The following PHF20L1 variants were observed in gnomAD, a reference collection of about 807,000 sequenced individuals.
PHF20L1 encodes PHD finger protein 20-like protein 1.
Under a neutral mutation model 125.5 loss-of-function variants are expected in PHF20L1, and 44 were observed. That is an observed-to-expected ratio of 0.35 (90% CI 0.28 to 0.45). The LOEUF is 0.45. PHF20L1 is among the 20% of genes least tolerant of loss of function. The pLI is 1.00. For synonymous variants in PHF20L1, 380 were observed against 403.1 expected, an observed-to-expected ratio of 0.94 and a Z score of 0.69; for missense variants, 1,012 against 1,217.2, an observed-to-expected ratio of 0.83 and a Z score of 2.51.
chr8:132,794,860 G>T, intron 4 of PHF20L1, 43 bp downstream of exon 4: 1 of 1,254,570 alleles, frequency 8.0e-7, no homozygotes, highest in Non-Finnish European at 1.2e-6. Flanking sequence ...TAGATTAATA[G>T]TAAAATTTCA....
At chr8:132,832,466 C>A in intron 15 of PHF20L1, 67 bp downstream of exon 15, 1 of 1,151,794 alleles carries the variant, frequency 8.7e-7, no homozygotes, top group Non-Finnish European at 1.3e-6. Context: ...GAGAATAAAA[C>A]GTACTCTGTT....
intron 20 of PHF20L1, 128 bp downstream of exon 20, chr8:132,844,446 A>T: frequency 1.5e-6 from 1 of 661,598 alleles, no homozygotes. Context: ...GGGCTTTATT[A>T]CTCCCTTTGT....
Position 132,804,044 on chromosome 8 carries a change from A to G in PHF20L1, c.721+12A>G, listed in dbSNP as rs1833399329. On this transcript the variant is annotated intron_variant, in intron 7 of 20. Coordinates refer to ENST00000395386, the MANE Select transcript of PHF20L1 (RefSeq NM_016018.5). ...TAGTGAAACATTTGGTACAAAATAC[A>G]TTCTTACGTTAATTCCTTATGACAC... is the stretch of plus-strand genomic sequence containing the variant. The G allele has an allele frequency of 2.6e-6, 4 of 1,538,606 alleles. No homozygotes were observed. Among genetic ancestry groups the G allele is most frequent in the Non-Finnish European group, 3.6e-6 (4 of 1,112,798 alleles).
In PHF20L1 at chr8:132,835,247, T is replaced by C. The variant is rs16904748; in HGVS notation, c.1910-1293T>C. Reference sequence around the variant, plus strand: ...CTTGCTGTCATGGATTCTGATATTCTAGTAAGAGAAGACAGATGATAAGCA... The same window carrying C: ...CTTGCTGTCATGGATTCTGATATTCCAGTAAGAGAAGACAGATGATAAGCA... On this transcript the variant is annotated intron_variant, in intron 15 of 20. Transcript: ENST00000395386. Among the ~76,000 whole-genome samples, 1,355 of 152,224 alleles carry C rather than the reference T, an allele frequency of 8.9e-3. 39 individuals carry two copies. The highest frequency in any genetic ancestry group is 0.087 in the East Asian group (450 of 5,154).
intron 8 of PHF20L1, chr8:132,808,902 G>GT (rs1834044192): frequency 6.6e-6 from 1 of 150,946 alleles, no homozygotes; most frequent in African/African-American, 2.4e-5. Flanking sequence ...ATAGAGATGG[G>GT]GTCTTGCTAT....
intron 14 of PHF20L1, among the ~76,000 whole-genome samples, chr8:132,831,882 A>G (rs562096365): frequency 6.6e-6 from 1 of 152,102 alleles, no homozygotes; most frequent in African/African-American, 2.4e-5. Context: ...GTTCTTCCCC[A>G]TGTGTCCATG....
At chr8:132,843,918 CCTT>C in intron 19 of PHF20L1, 1 of 985,172 alleles carries the variant, frequency 1.0e-6, no homozygotes, top group South Asian at 4.7e-5. Context: ...TTTATTGAAG[CCTT>C]CTTGCCTGTG....
At position 132,844,117 on chromosome 8, in the gene PHF20L1, C is replaced by T. The variant is rs369184488; in HGVS notation, c.2749-39C>T. 4.2e-5 allele frequency: 68 copies of T among 1,607,916 alleles called. No individual in the cohort carries two copies. In the East Asian group the frequency reaches 7.4e-4, roughly 17 times the overall value. On this transcript the variant is annotated intron_variant, in intron 19 of 20. Transcript: ENST00000395386. Reference sequence around the variant, plus strand: ...TTAACTCAATGACTGCATTTCATCCCGTTCTTTGTGTTTATTTTCCAATGG... The same window carrying T: ...TTAACTCAATGACTGCATTTCATCCTGTTCTTTGTGTTTATTTTCCAATGG...
chr8:132,789,237 A>G (rs1309595574), intron 2 of PHF20L1, among the ~76,000 whole-genome samples: 1 of 152,198 alleles, frequency 6.6e-6, no homozygotes, highest in Non-Finnish European at 1.5e-5. Flanking sequence ...GTGTTAGTCC[A>G]GAATCTGTAG....
intron 6 of PHF20L1, 146 bp from the exon 7 acceptor site, chr8:132,803,673 A>C (rs551383341): frequency 1.7e-6 from 1 of 582,724 alleles, no homozygotes; most frequent in East Asian, 2.8e-5. Flanking sequence ...ATGTTCAGCT[A>C]TCATGTAAAT....
rs1254640225 is a variant in PHF20L1 at position 132,822,022 on chromosome 8, TTGTG to T, written c.1580-1978_1580-1975del. ...GGAATGGTCTCTTTTGTTTTCCTAT[TTGTG>T]TGTATTTTTTAAAGTCCTGCCGTTG... On this transcript the variant is annotated intron_variant, in intron 12 of 20. Coordinates refer to ENST00000395386, the MANE Select transcript of PHF20L1 (RefSeq NM_016018.5). Among the ~76,000 whole-genome samples, 4 of 152,062 alleles carry T rather than the reference TTGTG, an allele frequency of 2.6e-5. No individual in the cohort carries two copies. In the East Asian group the frequency reaches 7.8e-4, roughly 30 times the overall value.
At chr8:132,794,661 CA>C in intron 3 of PHF20L1, 71 bp from the exon 4 acceptor site, 1 of 1,497,086 alleles carries the variant, frequency 6.7e-7, no homozygotes, top group South Asian at 1.2e-5. Context: ...TTAAATTATA[CA>C]AAAGCCTGTT....
At chr8:132,813,250 C>T (rs1281104728) in intron 9 of PHF20L1, 1 of 270,176 alleles carries the variant, frequency 3.7e-6, no homozygotes, top group African/African-American at 2.3e-5. Context: ...GAATACTATC[C>T]ATTTATGAAG....
At position 132,816,510 on chromosome 8, in the gene PHF20L1, CAT is replaced by C. The variant is rs540133854; in HGVS notation, c.1184-367_1184-366del. On this transcript the variant is annotated intron_variant, in intron 10 of 20. Coordinates refer to ENST00000395386, the MANE Select transcript of PHF20L1 (RefSeq NM_016018.5). ...GATTTGCAATGTAGCAAAAGGAATACATATATATATATTTTTCCTTATCTTTT... is the reference window on the plus strand; with the variant it reads ...GATTTGCAATGTAGCAAAAGGAATACATATATATATTTTTCCTTATCTTTT... 8 of 167,858 alleles carry C rather than the reference CAT, an allele frequency of 4.8e-5. No homozygotes were observed. In the East Asian group the frequency reaches 5.5e-4, roughly 11 times the overall value. 10.4% of individuals were successfully genotyped at this position (167,858 alleles called of 1,614,324 possible). A position where few individuals can be genotyped will look rare whatever the true frequency, so the allele number is the denominator to read the frequency against.
chr8:132,804,432 TTTA>T (rs1833446535), intron 7 of PHF20L1, 180 bp from the exon 8 acceptor site: 2 of 460,616 alleles, frequency 4.3e-6, no homozygotes, highest in South Asian at 9.0e-5. Flanking sequence ...GAATAACTGC[TTTA>T]GTAGTCTTTT....
At position 132,777,922 on chromosome 8, in the gene PHF20L1, T is replaced by G. The variant is rs1415515944; in HGVS notation, c.83+11T>G. 1 of 1,531,406 alleles carries G rather than the reference T, an allele frequency of 6.5e-7. No homozygotes were observed. The highest frequency in any genetic ancestry group is 9.0e-7 in the Non-Finnish European group (1 of 1,105,466). 94.9% of individuals were successfully genotyped at this position (1,531,406 alleles called of 1,614,324 possible). ...CTACTTACAAAAATGGTATGGAAAA[T>G]ATAGAACTTTCACCTAAATATCACA... On this transcript the variant is annotated intron_variant, in intron 2 of 20. Coordinates refer to ENST00000395386, the MANE Select transcript of PHF20L1 (RefSeq NM_016018.5).
intron 17 of PHF20L1, among the ~76,000 whole-genome samples, chr8:132,838,963 A>G (rs1837652128): frequency 1.3e-5 from 2 of 152,154 alleles, no homozygotes; most frequent in South Asian, 4.1e-4. Context: ...ATTCTGTGAA[A>G]TCACAGACAT....
intron 9 of PHF20L1, chr8:132,811,751 C>T (rs1358206941): frequency 2.0e-6 from 2 of 984,600 alleles, no homozygotes; most frequent in African/African-American, 1.7e-5. Context: ...ACTGTGCATG[C>T]TTTTACATTC....
chr8:132,836,438 A>G (rs944304246), intron 15 of PHF20L1, 102 bp from the exon 16 acceptor site: 1 of 732,906 alleles, frequency 1.4e-6, no homozygotes, highest in Admixed American at 2.8e-5. Flanking sequence ...CCTTTTTAAA[A>G]TGTTTAATAG....
Sources: gnomAD v4.1 joint callset for allele counts (sites outside exome capture counted in the v4.1 genomes callset) on GRCh38, gnomAD v4.1.1 for gene constraint, MANE v1.5 for transcripts, NCBI Gene and HGNC (gene_info 2026-07-23, HGNC 2026-07-21) for gene names.